The following SLC2A12 variants were observed in gnomAD, a reference collection of about 807,000 sequenced individuals.
The protein encoded by SLC2A12 is solute carrier family 2 member 12, also known as solute carrier family 2, facilitated glucose transporter member 12.
A neutral mutation model predicts 41.8 loss-of-function variants in SLC2A12; 23 were observed. That is an observed-to-expected ratio of 0.55 (90% confidence interval 0.40 to 0.78). SLC2A12 has a LOEUF of 0.78. SLC2A12 is among the 30% of genes least tolerant of loss of function. SLC2A12 has a pLI of 0.00. For missense variants in SLC2A12, 654 were observed against 745.6 expected (o/e 0.88, Z 1.43); for synonymous variants, 295 against 285.9 (o/e 1.03, Z -0.32).
At chr6:134,049,655 G>GA (rs11431642) in intron 1 of SLC2A12, among the ~76,000 whole-genome samples, 10,584 of 152,190 alleles carry the variant, frequency 0.07, 677 homozygotes, top group African/African-American at 0.17. Context: ...CATGAAAGCT[G>GA]AAAAAATTTA....
chr6:133,997,838 T>G (rs1776714369), intron 4 of SLC2A12, among the ~76,000 whole-genome samples: 1 of 152,248 alleles, frequency 6.6e-6, no homozygotes, highest in Admixed American at 6.5e-5. Flanking sequence ...CACCTTTTCC[T>G]TTTTGTCCTC....
At chr6:134,036,051 T>C (rs1777294075) in intron 1 of SLC2A12, among the ~76,000 whole-genome samples, 1 of 152,228 alleles carries the variant, frequency 6.6e-6, no homozygotes, top group Admixed American at 6.5e-5. Context: ...TGCTTTCTTC[T>C]TCTCTTTCTT....
chr6:134,015,122 A>G (rs375094580), intron 2 of SLC2A12, among the ~76,000 whole-genome samples: 252 of 152,382 alleles, frequency 1.7e-3, no homozygotes, highest in African/African-American at 5.8e-3. Flanking sequence ...AATATTGGTG[A>G]TAACTGAAAT....
At chr6:134,044,572 G>A (rs897513397) in intron 1 of SLC2A12, among the ~76,000 whole-genome samples, 2 of 151,940 alleles carry the variant, frequency 1.3e-5, no homozygotes, top group African/African-American at 4.8e-5. Flanking sequence ...AAATTAGCAG[G>A]ATGTGGTGGC....
chr6:134,008,174 C>G (rs1378209480), intron 2 of SLC2A12, among the ~76,000 whole-genome samples: 2 of 152,178 alleles, frequency 1.3e-5, no homozygotes, highest in Non-Finnish European at 2.9e-5. Flanking sequence ...AGAGGCCGCT[C>G]TGGCCAGCAA....
intron 2 of SLC2A12, among the ~76,000 whole-genome samples, chr6:134,013,999 T>C (rs1776923105): frequency 6.6e-6 from 1 of 152,146 alleles, no homozygotes; most frequent in Admixed American, 6.5e-5. Flanking sequence ...TGAACCTGAA[T>C]CTCTGGAAAT....
chr6:134,012,882 G>A (rs543969583), intron 2 of SLC2A12, among the ~76,000 whole-genome samples: 3 of 152,144 alleles, frequency 2.0e-5, no homozygotes, highest in South Asian at 2.1e-4. Context: ...TAGGCAGGAC[G>A]ATGGCTTGAA....
intron 1 of SLC2A12, among the ~76,000 whole-genome samples, chr6:134,037,169 T>G (rs1489162982): frequency 6.9e-6 from 1 of 145,328 alleles, no homozygotes; most frequent in Non-Finnish European, 1.5e-5. Context: ...TTTTTTTTTT[T>G]TTTGAGAAGA....
intron 1 of SLC2A12, among the ~76,000 whole-genome samples, chr6:134,032,869 AC>A (rs1777241382): frequency 7.0e-6 from 1 of 142,940 alleles, no homozygotes; most frequent in Admixed American, 7.1e-5. Context: ...ATAATATATT[AC>A]ATATATTATA....
rs2114476186 is a variant in SLC2A12 at position 134,028,630 on chromosome 6, T to C, written c.1195A>G (p.Thr399Ala). The change falls in exon 2 of 5, where the codon ACC becomes GCC. Residue 399 changes from threonine (T) to alanine (A), a missense_variant. Coordinates refer to ENST00000275230, the MANE Select transcript of SLC2A12 (RefSeq NM_145176.3). ...SVIYGPGNLS[T>A]NNNTLRDHFK... ...TGGTCTCTGAGAGTATTGTTGTTGG[T>C]TGACAGGTTTCCTGGTCCATAAATC... 1 of 1,614,228 alleles carries C rather than the reference T, an allele frequency of 6.2e-7. No homozygotes were observed. The highest frequency in any genetic ancestry group is 8.5e-7 in the Non-Finnish European group (1 of 1,180,028).
chr6:134,047,688 C>T (rs912091844), intron 1 of SLC2A12, among the ~76,000 whole-genome samples: 7 of 152,206 alleles, frequency 4.6e-5, no homozygotes, highest in Non-Finnish European at 8.8e-5. Flanking sequence ...TATTCCTGGG[C>T]TCTCAGCTGC....
At chr6:134,001,041 C>A (rs1332508052) in intron 4 of SLC2A12, among the ~76,000 whole-genome samples, 1 of 151,996 alleles carries the variant, frequency 6.6e-6, no homozygotes, top group Non-Finnish European at 1.5e-5. Context: ...CCGGGACCCA[C>A]CCCAAACCCC....
intron 1 of SLC2A12, 28 bp from the exon 2 acceptor site, chr6:134,029,749 G>T: frequency 6.4e-7 from 1 of 1,569,066 alleles, no homozygotes; most frequent in Middle Eastern, 1.7e-4. Context: ...AGACAGGGAG[G>T]TCAGTTCTCA....
chr6:134,046,539 G>A (rs1407247109), intron 1 of SLC2A12, among the ~76,000 whole-genome samples: 4 of 152,104 alleles, frequency 2.6e-5, no homozygotes, highest in African/African-American at 9.7e-5. Context: ...GGTGCCTCAC[G>A]CCTATAATCC....
chr6:134,026,256 CAAG>C (rs1777111086), intron 2 of SLC2A12, among the ~76,000 whole-genome samples: 1 of 152,064 alleles, frequency 6.6e-6, no homozygotes, highest in South Asian at 2.1e-4. Flanking sequence ...GTTGAATATA[CAAG>C]AAGGACAAGA....
At chr6:134,051,367 A>G (rs1371022112) in intron 1 of SLC2A12, among the ~76,000 whole-genome samples, 1 of 152,182 alleles carries the variant, frequency 6.6e-6, no homozygotes, top group Non-Finnish European at 1.5e-5. Flanking sequence ...ACAAACCCAC[A>G]AGGCAAACGT....
At chr6:134,047,648 T>A (rs913860997) in intron 1 of SLC2A12, among the ~76,000 whole-genome samples, 2 of 152,216 alleles carry the variant, frequency 1.3e-5, no homozygotes, top group Non-Finnish European at 2.9e-5. Flanking sequence ...TGTGGGCTCA[T>A]ATTCAGGTCC....
intron 2 of SLC2A12, among the ~76,000 whole-genome samples, chr6:134,007,437 G>T (rs545301756): frequency 1.3e-5 from 2 of 152,362 alleles, no homozygotes; most frequent in Admixed American, 1.3e-4. Context: ...GAGGAAGCCG[G>T]CTACTCTCCC....
chr6:134,035,764 G>A (rs1777289263), intron 1 of SLC2A12, among the ~76,000 whole-genome samples: 1 of 152,228 alleles, frequency 6.6e-6, no homozygotes, highest in Non-Finnish European at 1.5e-5. Context: ...AGCAGTAGGA[G>A]GAAGATCTCC....
Sources: allele counts gnomAD v4.1 joint callset (sites outside exome capture counted in the v4.1 genomes callset), GRCh38; gene constraint gnomAD v4.1.1; transcripts MANE v1.5; gene names NCBI Gene and HGNC (gene_info 2026-07-23, HGNC 2026-07-21).